SLCO1A2: variants seen among roughly 807,000 people sequenced by gnomAD.
The protein encoded by SLCO1A2 is OATP-1.
Under a neutral mutation model 69.0 loss-of-function variants are expected in SLCO1A2, and 67 were observed. That is an observed-to-expected ratio of 0.97 (90% confidence interval 0.80 to 1.19). The LOEUF (loss-of-function observed/expected upper bound fraction) is 1.19. Among genes scored for constraint, SLCO1A2 ranks in the 50% most tolerant of loss-of-function variants. SLCO1A2 has a pLI of 0.00. For synonymous variants in SLCO1A2, 260 were observed against 265.9 expected (o/e 0.98, Z 0.22); for missense variants, 787 against 793.7 (o/e 0.99, Z 0.10).
At chr12:21,326,754 G>C (rs7300346) in intron 2 of SLCO1A2, among the ~76,000 whole-genome samples, 48,005 of 152,094 alleles carry the variant, frequency 0.32, 7,732 homozygotes, top group East Asian at 0.35. Context: ...CTTTCAAGAA[G>C]TGACTTGGGT....
chr12:21,289,489 G>C (rs1252595533), intron 12 of SLCO1A2, among the ~76,000 whole-genome samples: 1 of 152,082 alleles, frequency 6.6e-6, no homozygotes, highest in Non-Finnish European at 1.5e-5. Flanking sequence ...GGAGAATGGA[G>C]TGGGATGTGT....
chr12:21,364,767 A>T (rs543184919), intron 2 of SLCO1A2, among the ~76,000 whole-genome samples: 167 of 152,324 alleles, frequency 1.1e-3, no homozygotes, highest in Non-Finnish European at 1.9e-3. Context: ...ACAAACGGAG[A>T]GACAAATCAT....
chr12:21,330,722 C>T (rs1159529285), intron 2 of SLCO1A2, among the ~76,000 whole-genome samples: 1 of 152,118 alleles, frequency 6.6e-6, no homozygotes, highest in East Asian at 1.9e-4. Context: ...TTTAATAAAT[C>T]TTGTTCTAAC....
intron 1 of SLCO1A2, among the ~76,000 whole-genome samples, chr12:21,389,142 A>T (rs904480589): frequency 1.3e-5 from 2 of 152,188 alleles, no homozygotes; most frequent in Admixed American, 6.5e-5. Flanking sequence ...AGTTAGGGTC[A>T]CTGTGACCAG....
intron 2 of SLCO1A2, among the ~76,000 whole-genome samples, chr12:21,333,128 A>G (rs945323179): frequency 6.6e-6 from 1 of 152,130 alleles, no homozygotes; most frequent in Non-Finnish European, 1.5e-5. Context: ...TAGTTTTATA[A>G]ATCAGATTTT....
chr12:21,311,478 C>A (rs966433986), intron 4 of SLCO1A2: 1 of 151,758 alleles, frequency 6.6e-6, no homozygotes, highest in African/African-American at 2.4e-5. Flanking sequence ...ACTTGAAAGT[C>A]CAAGTTACTC....
intron 3 of SLCO1A2, among the ~76,000 whole-genome samples, chr12:21,316,268 T>A (rs1453877384): frequency 1.3e-5 from 2 of 152,162 alleles, no homozygotes; most frequent in African/African-American, 2.4e-5. Flanking sequence ...GTAATTAAAA[T>A]CTCTCATATG....
At chr12:21,276,511 T>G (rs1208211052) in intron 12 of SLCO1A2, among the ~76,000 whole-genome samples, 1 of 144,228 alleles carries the variant, frequency 6.9e-6, no homozygotes, top group East Asian at 2.0e-4. Context: ...TCATCCCTCC[T>G]GAAGGAACAC....
chr12:21,377,606 A>T (rs1252809395), intron 1 of SLCO1A2, among the ~76,000 whole-genome samples: 1 of 152,136 alleles, frequency 6.6e-6, no homozygotes, highest in East Asian at 1.9e-4. Context: ...TCCACTCTTT[A>T]ACTCATGAAT....
rs759690461 is a variant in SLCO1A2, at chr12:21,306,840, A to G, written c.442+42T>C. 7 of 1,329,426 alleles carry G rather than the reference A, an allele frequency of 5.3e-6. No individual in the cohort carries two copies. In the South Asian group the frequency reaches 6.0e-5, roughly 11 times the overall value. The allele number at this position is 1,329,426 out of a possible 1,614,324, so 82.4% of individuals were successfully genotyped here. Reference sequence around the variant, plus strand: ...GCCCCTCAGCAGAAAGTGTTTAGTTATAAGTTCGCTGAACAAAAATCAATA... The same window carrying G: ...GCCCCTCAGCAGAAAGTGTTTAGTTGTAAGTTCGCTGAACAAAAATCAATA... On this transcript the variant is annotated intron_variant, in intron 5 of 14. Transcript: ENST00000683939.
chr12:21,304,674 T>C, intron 5 of SLCO1A2, 101 bp from the exon 6 acceptor site: 1 of 1,083,270 alleles, frequency 9.2e-7, no homozygotes, highest in Non-Finnish European at 1.3e-6. Flanking sequence ...TATATGACCA[T>C]GGCCCCTTGT....
chr12:21,390,418 C>A (rs1941094370), intron 1 of SLCO1A2, among the ~76,000 whole-genome samples: 1 of 152,020 alleles, frequency 6.6e-6, no homozygotes. Context: ...ATCTGAAATA[C>A]AAATATATTT....
intron 1 of SLCO1A2, among the ~76,000 whole-genome samples, chr12:21,408,567 C>T (rs1026028328): frequency 3.3e-5 from 5 of 152,154 alleles, no homozygotes; most frequent in South Asian, 4.1e-4. Flanking sequence ...AACTGCCCAA[C>T]GAAAAGTGTC....
intron 4 of SLCO1A2, among the ~76,000 whole-genome samples, chr12:21,313,713 T>A (rs1337760093): frequency 6.8e-6 from 1 of 147,376 alleles, no homozygotes; most frequent in Admixed American, 6.8e-5. Context: ...TGAGACTGTC[T>A]CAACAAAAAT....
chr12:21,395,132 G>C (rs970802698), exon 1 of SLCO1A2: 2 of 156,216 alleles, frequency 1.3e-5, no homozygotes, highest in Admixed American at 1.3e-4. Flanking sequence ...TCACTAGGGA[G>C]TGCCAGACAA....
chr12:21,281,292 A>T (rs1195168783), intron 12 of SLCO1A2, among the ~76,000 whole-genome samples: 5 of 152,106 alleles, frequency 3.3e-5, no homozygotes, highest in Non-Finnish European at 5.9e-5. Context: ...TCTACTAAAA[A>T]TACAAAAATT....
chr12:21,371,900 G>A (rs1029039666), intron 2 of SLCO1A2, among the ~76,000 whole-genome samples: 2 of 152,058 alleles, frequency 1.3e-5, no homozygotes, highest in Non-Finnish European at 2.9e-5. Flanking sequence ...TACTCTGTAG[G>A]CTGAGGCAGG....
At chr12:21,381,045 A>G (rs1456044997) in intron 1 of SLCO1A2, among the ~76,000 whole-genome samples, 2 of 152,210 alleles carry the variant, frequency 1.3e-5, no homozygotes, top group Non-Finnish European at 2.9e-5. Context: ...GGCAGCTTCC[A>G]GATAAGATCT....
upstream of SLCO1A2, among the ~76,000 whole-genome samples, chr12:21,396,838 C>A (rs1941482570): frequency 6.6e-6 from 1 of 151,784 alleles, no homozygotes; most frequent in Non-Finnish European, 1.5e-5. Flanking sequence ...ATTTTGTCAC[C>A]ACCAGGCCTG....
Sources: allele counts gnomAD v4.1 joint callset (sites outside exome capture counted in the v4.1 genomes callset), GRCh38; gene constraint gnomAD v4.1.1; transcripts MANE v1.5; gene names NCBI Gene and HGNC (gene_info 2026-07-23, HGNC 2026-07-21).